The following ADGRL3 variants were observed in gnomAD, a reference collection of about 807,000 sequenced individuals.
ADGRL3 encodes the protein adhesion G protein-coupled receptor L3, also known as calcium-independent alpha-latrotoxin receptor 3.
A neutral mutation model predicts 153.5 loss-of-function variants in ADGRL3; 62 were observed. The ratio of observed to expected loss-of-function variants is 0.40; its 90% CI spans 0.33 to 0.50. The LOEUF (loss-of-function observed/expected upper bound fraction) is 0.50, where lower values mean the gene tolerates loss of function less well. Ranked by LOEUF, ADGRL3 falls within the 20% of genes least tolerant of loss-of-function variation. The pLI is 0.47. For synonymous variants in ADGRL3, 710 were observed against 672.5 expected (o/e 1.06, Z -0.86); for missense variants, 1,641 against 1,859.4 (o/e 0.88, Z 2.16).
chr4:61,658,469 T>C (rs1161223836), intron 5 of ADGRL3, among the ~76,000 whole-genome samples: 2 of 152,174 alleles, frequency 1.3e-5, no homozygotes, highest in African/African-American at 4.8e-5. Flanking sequence ...TTTTTTTCAC[T>C]TAAATGGTCC....
chr4:61,748,932 A>C (rs1002079455), intron 8 of ADGRL3, among the ~76,000 whole-genome samples: 16 of 151,436 alleles, frequency 1.1e-4, no homozygotes, highest in Middle Eastern at 3.4e-3. Flanking sequence ...CAACCTACAA[A>C]ATGGGAGAAA....
chr4:61,556,819 T>C lies in ADGRL3; in HGVS notation c.260-30408T>C, dbSNP rs76080831. 6.9e-3 allele frequency among the ~76,000 whole-genome samples: 1,055 copies of C among 152,300 alleles called. 33 individuals carry two copies. The highest frequency in any genetic ancestry group is 0.045 in the Admixed American group (687 of 15,292). On this transcript the variant is annotated intron_variant, in intron 4 of 26. Transcript: ENST00000683033. ...CAAGTTCAATGGTGGGTGCCCACTT[T>C]GGAGGGGTAGATGTTGCTCACCTCC... is the stretch of plus-strand genomic sequence containing the variant.
chr4:61,600,827 C>T (rs963516347), intron 5 of ADGRL3, among the ~76,000 whole-genome samples: 18 of 152,102 alleles, frequency 1.2e-4, no homozygotes. Flanking sequence ...ACATTAGCTT[C>T]ACGTTCTAAA....
At chr4:61,901,909 G>C (rs1461194374) in intron 11 of ADGRL3, among the ~76,000 whole-genome samples, 1 of 152,082 alleles carries the variant, frequency 6.6e-6, no homozygotes, top group East Asian at 1.9e-4. Context: ...GTGTGTATGT[G>C]CTTATTTCTG....
In ADGRL3 at chr4:61,895,466, A is replaced by AAAT. The variant is rs10603633; in HGVS notation, c.1784-233_1784-231dup. 6.0e-3 allele frequency among the ~76,000 whole-genome samples: 894 copies of AAAT among 148,258 alleles called. 4 individuals are homozygous for AAAT. Among genetic ancestry groups the AAAT allele is most frequent in the Non-Finnish European group, 7.5e-3 (502 of 67,010 alleles). On this transcript the variant is annotated intron_variant, in intron 10 of 26. Coordinates refer to ENST00000683033, the MANE Select transcript of ADGRL3 (RefSeq NM_001387552.1). ...GGGCAACAGAACAAGACTCCATCTC[A>AAAT]AATAATAATAATAATAATAATAATA...
chr4:62,039,896 C>T (rs1219350315), intron 24 of ADGRL3, among the ~76,000 whole-genome samples: 2 of 152,106 alleles, frequency 1.3e-5, no homozygotes, highest in Admixed American at 1.3e-4. Context: ...ATTTTATTGA[C>T]ATATGTCATT....
chr4:61,218,487 T>A (rs1743917071), intron 1 of ADGRL3, among the ~76,000 whole-genome samples: 1 of 151,818 alleles, frequency 6.6e-6, no homozygotes, highest in Admixed American at 6.6e-5. Flanking sequence ...TTTTTTTTTA[T>A]TTTTTATTTT....
rs569654884 is a variant in ADGRL3, at chr4:61,892,715, A to G, written c.1540A>G (p.Thr514Ala). Reference sequence around the variant, plus strand: ...CACTACCACCAGTACCACCCTTCGGACCACAACTTTGAGCCCAGGAAGGAG... The same window carrying G: ...CACTACCACCAGTACCACCCTTCGGGCCACAACTTTGAGCCCAGGAAGGAG... ...GSTTTSTTLR[T>A]TTLSPGRSTT... is the part of the protein sequence containing the mutation. The change falls in exon 10 of 27, where the codon ACC becomes GCC. Residue 514 changes from threonine to alanine, a missense_variant. Physicochemically the swap from Thr to Ala is moderately conservative, Grantham distance 58. Around this residue, in one of 5 missense-constraint regions of ADGRL3, gnomAD observed 734 missense variants for 797.0 expected, o/e 0.92. Transcript: ENST00000683033. 1.2e-6 allele frequency: 2 copies of G among 1,613,930 alleles called. No individual in the cohort carries two copies. Among genetic ancestry groups the G allele is most frequent in the Non-Finnish European group, 1.7e-6 (2 of 1,179,838 alleles).
chr4:61,316,646 A>T (rs2095223919), intron 1 of ADGRL3, among the ~76,000 whole-genome samples: 1 of 152,158 alleles, frequency 6.6e-6, no homozygotes, highest in Non-Finnish European at 1.5e-5. Flanking sequence ...GCAGGAGGTC[A>T]GTTAGAAGCC....
chr4:61,474,725 A>T (rs2098021911), intron 2 of ADGRL3, among the ~76,000 whole-genome samples: 1 of 152,138 alleles, frequency 6.6e-6, no homozygotes, highest in African/African-American at 2.4e-5. Context: ...ATTCTTTACA[A>T]GAAGAAAAGG....
intron 6 of ADGRL3, among the ~76,000 whole-genome samples, chr4:61,701,648 G>A (rs534058013): frequency 1.3e-4 from 19 of 151,736 alleles, no homozygotes; most frequent in African/African-American, 4.1e-4. Context: ...TGTTGGCCAG[G>A]CTGGTCTCAA....
chr4:61,287,300 T>C (rs1166475322), intron 1 of ADGRL3, among the ~76,000 whole-genome samples: 1 of 151,906 alleles, frequency 6.6e-6, no homozygotes, highest in Non-Finnish European at 1.5e-5. Flanking sequence ...TGCTGTGATA[T>C]CGCCTGCAAG....
intron 9 of ADGRL3, among the ~76,000 whole-genome samples, chr4:61,890,618 G>A (rs938678763): frequency 1.3e-5 from 2 of 152,152 alleles, no homozygotes; most frequent in African/African-American, 4.8e-5. Flanking sequence ...CCACAATAAT[G>A]GCATTAATCC....
In ADGRL3 at chr4:61,948,255, G is replaced by T. The variant is rs772298271; in HGVS notation, c.2784G>T (p.Leu928=). 1.2e-6 allele frequency: 2 copies of T among 1,613,516 alleles called. No homozygotes were observed. The highest frequency in any genetic ancestry group is 1.7e-6 in the Non-Finnish European group (2 of 1,179,716). Residue 928 remains leucine, a synonymous_variant, in exon 17 of 27, where the codon CTG becomes CTT. Coordinates refer to ENST00000683033, the MANE Select transcript of ADGRL3 (RefSeq NM_001387552.1). The part of the protein sequence containing the change: ...SCNHLTNFAV[L]MAHVEVKHSD... ...ACCACCTAACAAATTTTGCAGTACT[G>T]ATGGCACATGTGGAAGTTAAGGTAA...
chr4:61,460,452 A>G (rs1450323251), intron 2 of ADGRL3, among the ~76,000 whole-genome samples: 1 of 152,128 alleles, frequency 6.6e-6, no homozygotes, highest in Non-Finnish European at 1.5e-5. Flanking sequence ...AAGCACACCA[A>G]GACAAATATC....
At chr4:61,448,626 T>A (rs1037445670) in intron 2 of ADGRL3, among the ~76,000 whole-genome samples, 5 of 152,020 alleles carry the variant, frequency 3.3e-5, no homozygotes, top group African/African-American at 9.7e-5. Context: ...CTTCAACTAT[T>A]TAAATGGAAA....
intron 1 of ADGRL3, among the ~76,000 whole-genome samples, chr4:61,303,074 T>C: frequency 6.6e-6 from 1 of 152,190 alleles, no homozygotes; most frequent in Non-Finnish European, 1.5e-5. Context: ...GTTAGTGAAT[T>C]AATGAGTAGA....
chr4:61,553,682 A>G (rs1201347914), intron 4 of ADGRL3, among the ~76,000 whole-genome samples: 1 of 152,164 alleles, frequency 6.6e-6, no homozygotes, highest in African/African-American at 2.4e-5. Context: ...ATTTTAATTC[A>G]TTGCACATTT....
At chr4:61,734,469 A>G (rs150985928) in intron 8 of ADGRL3, among the ~76,000 whole-genome samples, 4 of 152,180 alleles carry the variant, frequency 2.6e-5, no homozygotes, top group African/African-American at 9.6e-5. Context: ...AAGCAAAGGC[A>G]TGTCTTACAA....
Sources: gnomAD v4.1 joint callset for allele counts (sites outside exome capture counted in the v4.1 genomes callset) on GRCh38, gnomAD v4.1.1 for gene constraint, gnomAD v4.1.1 regional missense constraint, MANE v1.5 for transcripts, NCBI Gene and HGNC (gene_info 2026-07-23, HGNC 2026-07-21) for gene names.